INTS7: variants seen among roughly 807,000 people sequenced by gnomAD.
INTS7 encodes the protein chromosome 1 open reading frame 73.
In INTS7, 46 loss-of-function variants were observed where a neutral mutation model predicts 109.2. That is an observed-to-expected ratio of 0.42 (90% CI 0.33 to 0.54). INTS7 has a LOEUF of 0.54. Among genes scored for constraint, INTS7 ranks in the 20% least tolerant of loss-of-function variants. INTS7 has a pLI of 0.07. For synonymous variants in INTS7, 412 were observed against 402.9 expected (o/e 1.02, Z -0.27); for missense variants, 929 against 1,132.4 (o/e 0.82, Z 2.58).
chr1:212,004,649 A>T (rs951022460), intron 7 of INTS7, among the ~76,000 whole-genome samples: 2 of 152,228 alleles, frequency 1.3e-5, no homozygotes, highest in Non-Finnish European at 1.5e-5. Flanking sequence ...TAAATTTGAC[A>T]AGCTGATTCT....
chr1:212,016,950 A>C lies in INTS7; in HGVS notation c.445T>G (p.Ser149Ala), dbSNP rs765133931. Residue 149 changes from serine to alanine, a missense_variant, in exon 4 of 20, where the codon TCA becomes GCA. Ser to Ala is a moderately conservative substitution (Grantham distance 99). Transcript: ENST00000366994. ...AHHSIRQSLDSHDNVEVEAAV... is the reference protein window; with the variant it reads ...AHHSIRQSLDAHDNVEVEAAV... ...GCTTCAACTTCTACATTATCATGTG[A>C]ATCTAAACTCTGACGAATACTATGA... The C allele has an allele frequency of 6.2e-7, 1 of 1,606,180 alleles. No individual in the cohort carries two copies. The highest frequency in any genetic ancestry group is 1.7e-5 in the Admixed American group (1 of 58,820).
intron 7 of INTS7, among the ~76,000 whole-genome samples, chr1:211,997,541 AAAAAAAAAAG>A (rs1488466649): frequency 6.6e-6 from 1 of 150,790 alleles, no homozygotes; most frequent in Non-Finnish European, 1.5e-5. Context: ...AAAAAAAAAA[AAAAAAAAAAG>A]GGAGAGATGT....
chr1:211,985,463 C>T (rs181198922), intron 8 of INTS7, among the ~76,000 whole-genome samples: 73 of 152,146 alleles, frequency 4.8e-4, no homozygotes, highest in African/African-American at 1.4e-3. Flanking sequence ...TAAATATTAT[C>T]TATTTATTTA....
At chr1:211,982,467 A>G (rs931026697) in intron 9 of INTS7, among the ~76,000 whole-genome samples, 2 of 152,154 alleles carry the variant, frequency 1.3e-5, no homozygotes, top group Non-Finnish European at 2.9e-5. Context: ...AAACCTTTCA[A>G]TTCCACTCCC....
chr1:211,969,964 T>C (rs937430814), intron 13 of INTS7, among the ~76,000 whole-genome samples: 1 of 152,076 alleles, frequency 6.6e-6, no homozygotes, highest in Non-Finnish European at 1.5e-5. Context: ...ATGATCGGCC[T>C]GCCTCAGCCT....
intron 7 of INTS7, among the ~76,000 whole-genome samples, chr1:212,004,876 G>GT (rs1274188721): frequency 1.3e-5 from 2 of 152,314 alleles, no homozygotes; most frequent in East Asian, 1.9e-4. Context: ...GGTAAAAAAC[G>GT]TAAGTCTGAT....
intron 16 of INTS7, among the ~76,000 whole-genome samples, chr1:211,953,124 G>A (rs1050644307): frequency 2.0e-5 from 3 of 152,202 alleles, no homozygotes; most frequent in Non-Finnish European, 4.4e-5. Context: ...CAGAAGAAGA[G>A]AGTCTTGAAC....
rs1486719081 is a variant in INTS7, at chr1:211,940,490, AT to A, written c.*1333del. On this transcript the variant is annotated 3_prime_UTR_variant, in exon 20 of 20. Transcript: ENST00000366994. Reference sequence around the variant, plus strand: ...GGAGCTGCATCCGGCCAAATTACTTATAGCATCGGCATCTGCAACCATATGA... The same window carrying A: ...GGAGCTGCATCCGGCCAAATTACTTAAGCATCGGCATCTGCAACCATATGA... The A allele has an allele frequency of 6.6e-6, 1 of 152,222 alleles. No individual in the cohort carries two copies. The highest frequency in any genetic ancestry group is 2.4e-5 in the African/African-American group (1 of 41,454). The allele number at this position is 152,222 out of a possible 1,614,324, so 9.4% of individuals were successfully genotyped here.
chr1:211,984,387 C>T (rs530750713), intron 8 of INTS7, among the ~76,000 whole-genome samples: 20 of 152,078 alleles, frequency 1.3e-4, no homozygotes, highest in African/African-American at 4.8e-4. Flanking sequence ...AAGAACAATA[C>T]AAAAATCATA....
chr1:212,010,593 G>T (rs765112013), intron 5 of INTS7, among the ~76,000 whole-genome samples: 1 of 152,100 alleles, frequency 6.6e-6, no homozygotes, highest in Non-Finnish European at 1.5e-5. Flanking sequence ...CATGACAGAC[G>T]GTGGTCCCAT....
chr1:211,976,677 A>T lies in INTS7; in HGVS notation c.1513T>A (p.Leu505Met). ...ATTACTGCCTTACTTTCCACAGACA[A>T]TGCCTTCTGACTTGCAACAAAAATC... ...TVIFVASQKA[L>M]SVESKAVIKQ... Residue 505 changes from leucine (L) to methionine (M), a missense_variant, in exon 12 of 20, where the codon TTG (leucine) becomes ATG (methionine). Leu to Met is a conservative substitution (Grantham distance 15). Coordinates refer to ENST00000366994, the MANE Select transcript of INTS7 (RefSeq NM_015434.4). 6.2e-7 allele frequency: 1 copy of T among 1,613,964 alleles called. No homozygotes were observed. Among genetic ancestry groups the T allele is most frequent in the Non-Finnish European group, 8.5e-7 (1 of 1,179,850 alleles).
chr1:211,976,409 T>C (rs1468127580), intron 12 of INTS7, among the ~76,000 whole-genome samples, 173 bp downstream of exon 12: 1 of 152,234 alleles, frequency 6.6e-6, no homozygotes, highest in Non-Finnish European at 1.5e-5. Flanking sequence ...GATACCATTC[T>C]TTTATGATAA....
At chr1:211,985,353 A>G (rs1664849728) in intron 8 of INTS7, among the ~76,000 whole-genome samples, 1 of 152,216 alleles carries the variant, frequency 6.6e-6, no homozygotes, top group Non-Finnish European at 1.5e-5. Flanking sequence ...TTTTTAAACT[A>G]CTTTTGGCTA....
At chr1:212,019,103 T>A (rs1038251004) in intron 3 of INTS7, among the ~76,000 whole-genome samples, 10 of 151,954 alleles carry the variant, frequency 6.6e-5, no homozygotes, top group Admixed American at 2.6e-4. Context: ...TAAAAAAAGA[T>A]AGTTGAGTGT....
intron 1 of INTS7, among the ~76,000 whole-genome samples, chr1:212,031,381 T>A (rs966861180): frequency 3.9e-5 from 6 of 152,236 alleles, no homozygotes; most frequent in African/African-American, 1.4e-4. Flanking sequence ...TTGCCAATTA[T>A]GTATAGTAAT....
At chr1:211,965,881 A>G (rs544746867) in intron 16 of INTS7, among the ~76,000 whole-genome samples, 1 of 152,320 alleles carries the variant, frequency 6.6e-6, no homozygotes, top group South Asian at 2.1e-4. Context: ...TTTGTACAAC[A>G]AACCCCGGTG....
At chr1:211,998,210 T>A (rs983096809) in intron 7 of INTS7, among the ~76,000 whole-genome samples, 7 of 152,170 alleles carry the variant, frequency 4.6e-5, no homozygotes. Context: ...AGTGATCCTC[T>A]CACCTTGGCC....
chr1:211,963,325 T>C (rs967886945), intron 16 of INTS7, among the ~76,000 whole-genome samples: 3 of 151,766 alleles, frequency 2.0e-5, no homozygotes, highest in African/African-American at 7.3e-5. Flanking sequence ...AATAATGAGC[T>C]CTGAAATTGA....
At chr1:212,029,931 G>A (rs1667080574) in intron 1 of INTS7, among the ~76,000 whole-genome samples, 1 of 152,148 alleles carries the variant, frequency 6.6e-6, no homozygotes, top group Admixed American at 6.5e-5. Context: ...AAATGACAGT[G>A]AAAACTAATG....
Sources: allele counts gnomAD v4.1 joint callset (sites outside exome capture counted in the v4.1 genomes callset), GRCh38; gene constraint gnomAD v4.1.1; transcripts MANE v1.5; gene names NCBI Gene and HGNC (gene_info 2026-07-23, HGNC 2026-07-21).